The following PMS1 variants were observed in gnomAD, a reference collection of about 807,000 sequenced individuals.
The protein encoded by PMS1 is PMS1 protein homolog 1.
PMS1 carries 79 observed loss-of-function variants against 93.1 expected under a neutral mutation model. The observed-to-expected ratio is 0.85, with a 90% CI of 0.71 to 1.02. The LOEUF (loss-of-function observed/expected upper bound fraction) is 1.02. PMS1 is among the 50% of genes least tolerant of loss of function. The probability of loss-of-function intolerance (pLI) is 0.00; values close to 1 mark genes in which losing one functional copy is unlikely to be tolerated. For synonymous variants in PMS1, 335 were observed against 363.4 expected (o/e 0.92, Z 0.89); for missense variants, 1,064 against 1,085.3 (o/e 0.98, Z 0.28).
rs568211991 is a variant in PMS1, at chr2:189,844,687, T to C, written c.699+607T>C. ...AACTGTTTTCCCCCACCTTTCCCAT[T>C]CCAAATATGTACTTAAAACTTTTTC... On this transcript the variant is annotated intron_variant, in intron 6 of 12. Transcript: ENST00000441310. Among the ~76,000 whole-genome samples, 6 of 150,936 alleles carry C rather than the reference T, an allele frequency of 4.0e-5. No individual in the cohort carries two copies. In the South Asian group the frequency reaches 1.3e-3, roughly 32 times the overall value.
intron 4 of PMS1, among the ~76,000 whole-genome samples, chr2:189,807,664 T>C (rs2050470722): frequency 6.6e-6 from 1 of 152,250 alleles, no homozygotes; most frequent in South Asian, 2.1e-4. Context: ...TCCTTAGATA[T>C]GGAATCCATC....
intron 4 of PMS1, 45 bp from the exon 5 acceptor site, chr2:189,817,972 C>G: frequency 7.3e-7 from 1 of 1,373,984 alleles, no homozygotes; most frequent in Non-Finnish European, 1.0e-6. Flanking sequence ...AGATCTGTGA[C>G]GTTCCTTCCA....
chr2:189,869,642 T>C (rs256562), intron 11 of PMS1, among the ~76,000 whole-genome samples: 44,728 of 151,556 alleles, frequency 0.3, 11,347 homozygotes, highest in African/African-American at 0.69. Flanking sequence ...CACGGCGAAA[T>C]ACTGTCTCTA....
chr2:189,847,849 T>G (rs2054381645), intron 6 of PMS1, among the ~76,000 whole-genome samples: 1 of 152,182 alleles, frequency 6.6e-6, no homozygotes, highest in Non-Finnish European at 1.5e-5. Flanking sequence ...TGAAACCTCC[T>G]CTGCTACTAT....
At chr2:189,815,013 G>A (rs1418368952) in intron 4 of PMS1, among the ~76,000 whole-genome samples, 9 of 151,614 alleles carry the variant, frequency 5.9e-5, no homozygotes. Context: ...GCAGGAGAAT[G>A]GCATGAACCT....
At chr2:189,841,126 A>C (rs1393731273) in intron 5 of PMS1, among the ~76,000 whole-genome samples, 1 of 152,182 alleles carries the variant, frequency 6.6e-6, no homozygotes, top group African/African-American at 2.4e-5. Flanking sequence ...AAAAAGATTG[A>C]GTATAGATCT....
chr2:189,792,688 AATATATATAT>A (rs3067428), intron 2 of PMS1, among the ~76,000 whole-genome samples: 4,026 of 127,252 alleles, frequency 0.032, 197 homozygotes, highest in African/African-American at 0.1. Flanking sequence ...TATGGACACA[AATATATATAT>A]ATATATATAT....
At chr2:189,821,328 G>A (rs1156721436) in intron 5 of PMS1, among the ~76,000 whole-genome samples, 2 of 151,694 alleles carry the variant, frequency 1.3e-5, no homozygotes, top group African/African-American at 4.8e-5. Context: ...GGTGGCATGC[G>A]CCTGTAGTCC....
chr2:189,813,370 G>C (rs1468309045), intron 4 of PMS1, among the ~76,000 whole-genome samples: 1 of 152,178 alleles, frequency 6.6e-6, no homozygotes, highest in East Asian at 1.9e-4. Flanking sequence ...GTGAGCATCT[G>C]TCTATAAAAC....
intron 4 of PMS1, among the ~76,000 whole-genome samples, chr2:189,811,808 A>C (rs937450279): frequency 1.3e-5 from 2 of 152,218 alleles, no homozygotes; most frequent in African/African-American, 4.8e-5. Context: ...GCAGTGTATT[A>C]TACTTTAATT....
intron 5 of PMS1, among the ~76,000 whole-genome samples, chr2:189,818,950 G>T (rs940564109): frequency 6.6e-6 from 1 of 152,122 alleles, no homozygotes; most frequent in Admixed American, 6.5e-5. Context: ...TTTGTTACAT[G>T]GATATGTTGT....
intron 4 of PMS1, 190 bp downstream of exon 4, chr2:189,805,944 C>A: frequency 6.7e-7 from 1 of 1,501,722 alleles, no homozygotes; most frequent in South Asian, 1.3e-5. Context: ...TAGAATTGTT[C>A]TCAAAAGGAA....
At chr2:189,868,223 T>G (rs992406203) in intron 11 of PMS1, among the ~76,000 whole-genome samples, 1 of 152,260 alleles carries the variant, frequency 6.6e-6, no homozygotes, top group African/African-American at 2.4e-5. Flanking sequence ...TTTGTTTAAA[T>G]TATTAAAATA....
At chr2:189,785,428 AGACT>A (rs1559198990) in intron 1 of PMS1, 2 of 152,332 alleles carry the variant, frequency 1.3e-5, no homozygotes, top group Middle Eastern at 6.8e-3. Context: ...CAAATATGGA[AGACT>A]GACTATCCTG....
At position 189,805,784 on chromosome 2, in the gene PMS1, C is replaced by CT. The variant is rs755668622; in HGVS notation, c.418+33dup. 2.2e-5 allele frequency: 35 copies of CT among 1,612,108 alleles called. No homozygotes were observed. In the Admixed American group the frequency reaches 5.9e-4, roughly 27 times the overall value. On this transcript the variant is annotated intron_variant, in intron 4 of 12. Transcript: ENST00000441310. Reference sequence around the variant, plus strand: ...GAAAGTAGCTTTGTATACAAACATTCTTTACCTTTTCTGTCTTAATTGTTG... The same window carrying CT: ...GAAAGTAGCTTTGTATACAAACATTCTTTTACCTTTTCTGTCTTAATTGTTG...
intron 3 of PMS1, among the ~76,000 whole-genome samples, chr2:189,799,464 G>A (rs371081656): frequency 6.6e-6 from 1 of 152,068 alleles, no homozygotes; most frequent in African/African-American, 2.4e-5. Flanking sequence ...ACTTCTCAAA[G>A]GTAACTGCTA....
intron 9 of PMS1, chr2:189,855,923 G>T: frequency 1.2e-6 from 1 of 845,454 alleles, no homozygotes; most frequent in Non-Finnish European, 1.5e-6. Flanking sequence ...ACAGGTATCT[G>T]AGTATCTCAA....
chr2:189,794,168 A>G (rs1386504982), intron 2 of PMS1, among the ~76,000 whole-genome samples: 1 of 152,184 alleles, frequency 6.6e-6, no homozygotes, highest in Non-Finnish European at 1.5e-5. Flanking sequence ...TCTGAAGTGC[A>G]GTGGTGCGAT....
In PMS1 at chr2:189,818,187, A is replaced by G. The variant is rs759762700; in HGVS notation, c.582+7A>G. 2.6e-6 allele frequency: 4 copies of G among 1,547,012 alleles called. No individual in the cohort carries two copies. Among genetic ancestry groups the G allele is most frequent in the African/African-American group, 2.7e-5 (2 of 73,526 alleles). ...TGTCTTTGTACATAACAAGGTAAAC[A>G]TTATTTTATCTTTATAAGTTTCTGG... On this transcript the variant is annotated splice_region_variant and intron_variant, in intron 5 of 12. Coordinates refer to ENST00000441310, the MANE Select transcript of PMS1 (RefSeq NM_000534.5).
Sources: gnomAD v4.1 joint callset for allele counts (sites outside exome capture counted in the v4.1 genomes callset) on GRCh38, gnomAD v4.1.1 for gene constraint, MANE v1.5 for transcripts, NCBI Gene and HGNC (gene_info 2026-07-23, HGNC 2026-07-21) for gene names.